PKP1: variants seen among roughly 807,000 people sequenced by gnomAD.
PKP1 encodes the protein plakophilin 1.
PKP1 carries 27 observed loss-of-function variants against 76.4 expected under a neutral mutation model. The observed-to-expected ratio is 0.35, with a 90% CI of 0.26 to 0.49. The LOEUF (loss-of-function observed/expected upper bound fraction) is 0.49. Ranked by LOEUF, PKP1 falls within the 20% of genes least tolerant of loss-of-function variation. PKP1 has a pLI of 0.99. For synonymous variants in PKP1, 404 were observed against 384.2 expected (o/e 1.05, Z -0.60); for missense variants, 964 against 955.2 (o/e 1.01, Z -0.12).
intron 2 of PKP1, among the ~76,000 whole-genome samples, chr1:201,304,772 T>C (rs1407143701): frequency 2.0e-5 from 3 of 152,086 alleles, no homozygotes; most frequent in African/African-American, 7.2e-5. Flanking sequence ...GGTAGCAGAG[T>C]GGCTGGAAGA....
chr1:201,290,250 A>G (rs1298092719), intron 1 of PKP1, among the ~76,000 whole-genome samples: 1 of 152,108 alleles, frequency 6.6e-6, no homozygotes, highest in African/African-American at 2.4e-5. Context: ...TTGCTTGTAT[A>G]CCTGGGAAAG....
Position 201,330,189 on chromosome 1 carries a change from A to G in PKP1, c.*148A>G, listed in dbSNP as rs1223232743. The G allele has an allele frequency of 6.7e-6, 1 of 149,706 alleles. No individual in the cohort carries two copies. Among genetic ancestry groups the G allele is most frequent in the Admixed American group, 6.6e-5 (1 of 15,070 alleles). 9.3% of individuals were successfully genotyped at this position (149,706 alleles called of 1,614,324 possible). Reference sequence around the variant, plus strand: ...CTGAGAAGAAACCTAAAAACTGTGGATAGTGGAAAGATTTTTAGATTTTTT... The same window carrying G: ...CTGAGAAGAAACCTAAAAACTGTGGGTAGTGGAAAGATTTTTAGATTTTTT... On this transcript the variant is annotated 3_prime_UTR_variant, in exon 14 of 14. Transcript: ENST00000367324.
At chr1:201,295,460 T>C (rs752659319) in intron 2 of PKP1, among the ~76,000 whole-genome samples, 2 of 152,200 alleles carry the variant, frequency 1.3e-5, no homozygotes, top group Non-Finnish European at 2.9e-5. Flanking sequence ...CAGATGTGAA[T>C]AAAAGGGCTT....
intron 1 of PKP1, among the ~76,000 whole-genome samples, chr1:201,286,934 G>T (rs1480673933): frequency 1.3e-5 from 2 of 152,052 alleles, no homozygotes; most frequent in African/African-American, 4.8e-5. Flanking sequence ...TCCTAAAGCT[G>T]AACCTGAATC....
intron 12 of PKP1, among the ~76,000 whole-genome samples, chr1:201,326,201 C>T (rs1050841046): frequency 6.6e-6 from 1 of 152,214 alleles, no homozygotes; most frequent in Non-Finnish European, 1.5e-5. Context: ...GGCTAGGTTA[C>T]AAAACCCTTC....
chr1:201,326,040 T>G (rs1297085545), intron 12 of PKP1, among the ~76,000 whole-genome samples: 1 of 152,120 alleles, frequency 6.6e-6, no homozygotes, highest in South Asian at 2.1e-4. Flanking sequence ...CTGCGAGGGA[T>G]GCTGAGAACA....
At chr1:201,305,335 T>C (rs1384085960) in intron 2 of PKP1, among the ~76,000 whole-genome samples, 14 of 152,194 alleles carry the variant, frequency 9.2e-5, no homozygotes, top group African/African-American at 2.6e-4. Flanking sequence ...CTGGGCAACA[T>C]AGGGGGACCC....
chr1:201,290,596 A>G (rs543878974), intron 1 of PKP1, among the ~76,000 whole-genome samples: 263 of 152,040 alleles, frequency 1.7e-3, no homozygotes, highest in South Asian at 8.1e-3. Flanking sequence ...GACCTCTTTG[A>G]GTGGGAGGAG....
chr1:201,328,516 T>C (rs1039802494), intron 12 of PKP1: 4 of 575,614 alleles, frequency 6.9e-6, no homozygotes, highest in African/African-American at 3.7e-5. Context: ...CTCAGGTTTC[T>C]GCAAATGCAA....
intron 2 of PKP1, among the ~76,000 whole-genome samples, chr1:201,303,794 C>T (rs1656299277): frequency 6.6e-6 from 1 of 152,148 alleles, no homozygotes. Flanking sequence ...ACCCCACAGC[C>T]ACCAGTAGTG....
chr1:201,308,923 C>T (rs574434770), intron 2 of PKP1, among the ~76,000 whole-genome samples: 15 of 152,134 alleles, frequency 9.9e-5, no homozygotes, highest in African/African-American at 2.2e-4. Flanking sequence ...TGATGGGACC[C>T]GGAGTCAGAG....
chr1:201,324,376 A>G, intron 9 of PKP1, 52 bp from the exon 10 acceptor site: 2 of 1,556,988 alleles, frequency 1.3e-6, no homozygotes, highest in African/African-American at 1.4e-5. Flanking sequence ...TCTGCCTGCC[A>G]TGGTGCCTGG....
intron 10 of PKP1, 52 bp from the exon 11 acceptor site, chr1:201,324,889 C>T (rs1211556038): frequency 7.8e-6 from 12 of 1,547,202 alleles, no homozygotes; most frequent in Non-Finnish European, 8.9e-6. Context: ...ACCCCTCAGC[C>T]CTTCCTTCCC....
chr1:201,329,242 C>T (rs756114184), intron 13 of PKP1, among the ~76,000 whole-genome samples: 5 of 152,158 alleles, frequency 3.3e-5, no homozygotes, highest in Non-Finnish European at 7.3e-5. Context: ...ATACACAGCT[C>T]ACTTTTTTAT....
intron 7 of PKP1, among the ~76,000 whole-genome samples, chr1:201,321,026 C>T (rs140261938): frequency 1.1e-3 from 171 of 152,306 alleles, no homozygotes; most frequent in African/African-American, 4.1e-3. Flanking sequence ...GAGATGTTCC[C>T]ACCATGGCAG....
intron 1 of PKP1, 32 bp from the exon 2 acceptor site, chr1:201,293,910 T>C (rs1341074300): frequency 7.0e-7 from 1 of 1,422,518 alleles, no homozygotes. Context: ...ATCATGGCCA[T>C]CCCTGTCCTA....
chr1:201,321,899 A>C (rs1656951131), intron 7 of PKP1, 79 bp from the exon 8 acceptor site: 2 of 1,545,274 alleles, frequency 1.3e-6, no homozygotes, highest in Non-Finnish European at 1.8e-6. Flanking sequence ...CTGCTCTCTT[A>C]TTAGCTAGGG....
chr1:201,297,334 T>C (rs1558184488), intron 2 of PKP1, among the ~76,000 whole-genome samples: 2 of 152,072 alleles, frequency 1.3e-5, no homozygotes, highest in African/African-American at 4.8e-5. Flanking sequence ...GAGGACAATG[T>C]TGGAACCTCA....
At chr1:201,289,881 C>T (rs1655864121) in intron 1 of PKP1, among the ~76,000 whole-genome samples, 1 of 152,034 alleles carries the variant, frequency 6.6e-6, no homozygotes, top group Non-Finnish European at 1.5e-5. Flanking sequence ...GTTTTGAATG[C>T]AGGGGGAGGG....
Sources: allele counts gnomAD v4.1 joint callset (sites outside exome capture counted in the v4.1 genomes callset), GRCh38; gene constraint gnomAD v4.1.1; transcripts MANE v1.5; gene names NCBI Gene and HGNC (gene_info 2026-07-23, HGNC 2026-07-21).